TP73: variants seen among roughly 807,000 people sequenced by gnomAD.
TP73 encodes the protein tumor protein p73, also known as p53-like transcription factor.
Under a neutral mutation model 62.5 loss-of-function variants are expected in TP73, and 25 were observed. The observed-to-expected ratio is 0.40, with a 90% CI of 0.29 to 0.56. The LOEUF (loss-of-function observed/expected upper bound fraction) is 0.56, where lower values mean the gene tolerates loss of function less well. TP73 is among the 20% of genes least tolerant of loss of function. The probability of loss-of-function intolerance (pLI) is 0.46; values close to 1 mark genes in which losing one functional copy is unlikely to be tolerated. For synonymous variants in TP73, 423 were observed against 377.5 expected (o/e 1.12, Z -1.40); for missense variants, 754 against 913.3 (o/e 0.83, Z 2.25).
intron 1 of TP73, among the ~76,000 whole-genome samples, chr1:3,674,825 G>A (rs956528825): frequency 6.6e-6 from 1 of 152,232 alleles, no homozygotes; most frequent in Non-Finnish European, 1.5e-5. Context: ...GAATTCCGCT[G>A]GGCTGCTGCC....
intron 12 of TP73, among the ~76,000 whole-genome samples, 157 bp downstream of exon 12, chr1:3,731,222 G>A (rs976794588): frequency 1.3e-5 from 2 of 152,318 alleles, no homozygotes; most frequent in East Asian, 1.9e-4. Context: ...AGGAGCATCT[G>A]CAGATGCTGG....
At chr1:3,681,805 A>C (rs1229167655) in intron 1 of TP73, among the ~76,000 whole-genome samples, 1 of 151,748 alleles carries the variant, frequency 6.6e-6, no homozygotes, top group Non-Finnish European at 1.5e-5. Flanking sequence ...CATCAGGGAG[A>C]CCCCAAACCT....
At chr1:3,729,578 G>A in intron 10 of TP73, 130 bp downstream of exon 10, 1 of 1,502,642 alleles carries the variant, frequency 6.7e-7, no homozygotes, top group Non-Finnish European at 9.1e-7. Flanking sequence ...AGGGTCCAGA[G>A]CAGAGCCCAC....
intron 3 of TP73, among the ~76,000 whole-genome samples, chr1:3,695,157 C>T (rs1018527732): frequency 6.6e-6 from 1 of 152,238 alleles, no homozygotes; most frequent in South Asian, 2.1e-4. Flanking sequence ...ACATTACCCA[C>T]TTCTGCCTGT....
rs1639780053 is a variant in TP73, at chr1:3,707,626, G to T, written c.264G>T (p.Glu88Asp). Residue 88 changes from glutamate to aspartate, a missense_variant, in exon 4 of 14, where the codon GAG becomes GAT. Coordinates refer to ENST00000378295, the MANE Select transcript of TP73 (RefSeq NM_005427.4). ...CCTCGGCCAGCCCCTACACCCCAGA[G>T]CACGCCGCCAGCGTGCCCACCCACT... ...RAASASPYTP[E>D]HAASVPTHSP... 6 of 1,612,792 alleles carry T rather than the reference G, an allele frequency of 3.7e-6. No homozygotes were observed. The East Asian group carries it at 1.3e-4, about 36-fold the overall frequency.
At chr1:3,704,214 T>A (rs540093241) in intron 3 of TP73, among the ~76,000 whole-genome samples, 1 of 152,276 alleles carries the variant, frequency 6.6e-6, no homozygotes, top group East Asian at 1.9e-4. Flanking sequence ...TTCAAAAAGG[T>A]GGAAAGGAGC....
rs180949427 is a variant in TP73 at position 3,692,366 on chromosome 1, G to A, written c.186+9186G>A. On this transcript the variant is annotated intron_variant, in intron 3 of 13. Coordinates refer to ENST00000378295, the MANE Select transcript of TP73 (RefSeq NM_005427.4). ...CTGGGTCCATGCACTCGAGTCTGGC[G>A]GCACCATGGCCTCTCCACACGCCTG... Among the ~76,000 whole-genome samples, 19 of 152,274 alleles carry A rather than the reference G, an allele frequency of 1.2e-4. 1 individual carries two copies. The highest frequency in any genetic ancestry group is 5.8e-4 in the East Asian group (3 of 5,178).
chr1:3,653,335 C>T (rs150150687), intron 1 of TP73, among the ~76,000 whole-genome samples: 2,185 of 152,366 alleles, frequency 0.014, 26 homozygotes, highest in Non-Finnish European at 0.024. Flanking sequence ...AGACACCTCA[C>T]GCCCCCTTAG....
chr1:3,730,136 C>G lies in TP73; in HGVS notation c.1333C>G (p.Leu445Val), dbSNP rs1642016327. The change falls in exon 11 of 14, where the codon CTG (leucine) becomes GTG (valine). Residue 445 changes from leucine (L) to valine (V), a missense_variant. Physicochemically the swap from Leu to Val is conservative, Grantham distance 32. Around this residue, in one of 3 missense-constraint regions of TP73, gnomAD observed 458 missense variants for 528.7 expected, o/e 0.87. Transcript: ENST00000378295. ...GCACAGTTCGGCAGCTACACCCAACCTGGGGCCCGTGGGTGAGTCCCTTGG... is the reference window on the plus strand; with the variant it reads ...GCACAGTTCGGCAGCTACACCCAACGTGGGGCCCGTGGGTGAGTCCCTTGG... ...PPHSSAATPN[L>V]GPVGPGMLNN... The G allele has an allele frequency of 6.4e-7, 1 of 1,556,764 alleles. No homozygotes were observed. Among genetic ancestry groups the G allele is most frequent in the Non-Finnish European group, 8.7e-7 (1 of 1,149,672 alleles).
At chr1:3,705,622 A>G (rs1469245049) in intron 3 of TP73, among the ~76,000 whole-genome samples, 1 of 152,210 alleles carries the variant, frequency 6.6e-6, no homozygotes, top group Non-Finnish European at 1.5e-5. Flanking sequence ...TGGAGCACAC[A>G]GGGAGAGGGC....
Position 3,666,876 on chromosome 1 carries a change from A to C in TP73, c.-34+14235A>C, listed in dbSNP as rs74862930. Among the ~76,000 whole-genome samples, 6,331 of 151,430 alleles carry C rather than the reference A, an allele frequency of 0.042. 194 individuals are homozygous for C. The highest frequency in any genetic ancestry group is 0.11 in the South Asian group (534 of 4,804). ...TCAATGAGGGACATTTATGGTTGGC[A>C]AAAAAAAGTGGCTCCCCAAAGGTCT... On this transcript the variant is annotated intron_variant, in intron 1 of 13. Coordinates refer to ENST00000378295, the MANE Select transcript of TP73 (RefSeq NM_005427.4). The surrounding 1 kb of genome is among the most constrained non-coding windows in gnomAD (Gnocchi z 6.4).
Position 3,733,919 on chromosome 1 carries a change from C to CA in TP73, c.*840_*841insA, listed in dbSNP as rs1553149073. On this transcript the variant is annotated 3_prime_UTR_variant, in exon 14 of 14. Coordinates refer to ENST00000378295, the MANE Select transcript of TP73 (RefSeq NM_005427.4). ...TACCCTTTTCTACATGGTGGGTCAGCTTTTTTTTTTTTTTTTTTAACTTTC... is the reference window on the plus strand; with the variant it reads ...TACCCTTTTCTACATGGTGGGTCAGCATTTTTTTTTTTTTTTTTTAACTTTC... 1 of 135,994 alleles carries CA rather than the reference C, an allele frequency of 7.4e-6. No homozygotes were observed. The highest frequency in any genetic ancestry group is 2.8e-5 in the African/African-American group (1 of 35,990). The allele number at this position is 135,994 out of a possible 1,614,324, so 8.4% of individuals were successfully genotyped here.
chr1:3,731,990 T>C (rs986957341), intron 13 of TP73, among the ~76,000 whole-genome samples: 1 of 152,238 alleles, frequency 6.6e-6, no homozygotes, highest in African/African-American at 2.4e-5. Flanking sequence ...ACACAGCTCT[T>C]GGCACCCATG....
intron 9 of TP73, among the ~76,000 whole-genome samples, chr1:3,728,557 C>T (rs957780776): frequency 3.3e-5 from 5 of 152,200 alleles, no homozygotes; most frequent in Non-Finnish European, 7.3e-5. Context: ...GGCCAGGACC[C>T]GTGGCCACGG....
chr1:3,668,546 G>GTGTGTGTGTGTGTGTT (rs1557490464), intron 1 of TP73: 1 of 150,992 alleles, frequency 6.6e-6, no homozygotes, highest in Non-Finnish European at 1.5e-5. Context: ...GTGTGTGTGT[G>GTGTGTGTGTGTGTGTT]TATTGTTGGT....
chr1:3,697,333 C>G (rs1638758711), intron 3 of TP73, among the ~76,000 whole-genome samples: 1 of 152,242 alleles, frequency 6.6e-6, no homozygotes, highest in Non-Finnish European at 1.5e-5. Flanking sequence ...CCGCTATCCC[C>G]CTGGGCTCCG....
intron 6 of TP73, 70 bp from the exon 7 acceptor site, chr1:3,727,045 G>C: frequency 7.3e-7 from 1 of 1,364,174 alleles, no homozygotes; most frequent in African/African-American, 1.4e-5. Context: ...CATGGAGCTG[G>C]GGGCTGCCAC....
chr1:3,703,977 G>A (rs1211973288), intron 3 of TP73, among the ~76,000 whole-genome samples: 5 of 152,204 alleles, frequency 3.3e-5, no homozygotes, highest in Admixed American at 6.5e-5. Flanking sequence ...AGAGGGGAGG[G>A]TGGGCAGGCT....
rs114172458 is a variant in TP73 at position 3,679,141 on chromosome 1, A to G, written c.-33-3192A>G. Among the ~76,000 whole-genome samples the G allele has an allele frequency of 7.5e-3, 1,150 of 152,334 alleles. 12 individuals carry two copies. The highest frequency in any genetic ancestry group is 0.027 in the African/African-American group (1,125 of 41,570). Reference sequence around the variant, plus strand: ...TGTGGAAGCTGGGTCTCCGGCAGGCAGAGGCGCGCTGACAAGAAGGGTCGC... The same window carrying G: ...TGTGGAAGCTGGGTCTCCGGCAGGCGGAGGCGCGCTGACAAGAAGGGTCGC... On this transcript the variant is annotated intron_variant, in intron 1 of 13. Coordinates refer to ENST00000378295, the MANE Select transcript of TP73 (RefSeq NM_005427.4).
Sources: gnomAD v4.1 joint callset for allele counts (sites outside exome capture counted in the v4.1 genomes callset) on GRCh38, gnomAD v4.1.1 for gene constraint, gnomAD v4.1.1 regional missense constraint, Gnocchi (gnomAD v3.1) non-coding constraint, MANE v1.5 for transcripts, NCBI Gene and HGNC (gene_info 2026-07-23, HGNC 2026-07-21) for gene names.